The following USP47 variants were observed in gnomAD, a reference collection of about 807,000 sequenced individuals.
The protein encoded by USP47 is ubiquitin carboxyl-terminal hydrolase 47.
A neutral mutation model predicts 165.1 loss-of-function variants in USP47; 35 were observed. The ratio of observed to expected loss-of-function variants is 0.21; its 90% confidence interval spans 0.16 to 0.28. The LOEUF is 0.28. Ranked by LOEUF, USP47 falls within the 10% of genes least tolerant of loss-of-function variation. The pLI is 1.00. For synonymous variants in USP47, 531 were observed against 544.5 expected (o/e 0.98, Z 0.35); for missense variants, 1,277 against 1,607.4 (o/e 0.79, Z 3.52).
intron 4 of USP47, among the ~76,000 whole-genome samples, chr11:11,894,345 A>G (rs769293183): frequency 1.1e-4 from 16 of 151,986 alleles, no homozygotes; most frequent in South Asian, 2.1e-4. Flanking sequence ...AATCCCAGCT[A>G]CTCGGGAGGC....
At chr11:11,884,930 T>C (rs1469665268) in intron 3 of USP47, among the ~76,000 whole-genome samples, 1 of 152,180 alleles carries the variant, frequency 6.6e-6, no homozygotes, top group Admixed American at 6.5e-5. Flanking sequence ...AGCATTTGCT[T>C]GGTTGCTGTA....
At chr11:11,896,053 C>T (rs1251748406) in intron 4 of USP47, among the ~76,000 whole-genome samples, 2 of 152,266 alleles carry the variant, frequency 1.3e-5, no homozygotes, top group East Asian at 3.9e-4. Flanking sequence ...TTAATAGTGT[C>T]ACCAAAATCG....
chr11:11,886,805 G>A (rs72856371), intron 3 of USP47, among the ~76,000 whole-genome samples: 19,403 of 152,018 alleles, frequency 0.13, 1,582 homozygotes, highest in Middle Eastern at 0.38. Context: ...ACTCTCCAAG[G>A]TCAAAATGAA....
At chr11:11,877,050 A>G (rs1383901978) in intron 1 of USP47, among the ~76,000 whole-genome samples, 2 of 152,142 alleles carry the variant, frequency 1.3e-5, no homozygotes, top group Non-Finnish European at 2.9e-5. Context: ...CTAATTTCCC[A>G]TTTCCAGAAA....
At chr11:11,922,025 A>G (rs1853873511) in intron 10 of USP47, among the ~76,000 whole-genome samples, 1 of 151,942 alleles carries the variant, frequency 6.6e-6, no homozygotes, top group Non-Finnish European at 1.5e-5. Flanking sequence ...ATACATTTCA[A>G]AAGCCTGCAT....
At chr11:11,884,888 C>T (rs903885377) in intron 3 of USP47, among the ~76,000 whole-genome samples, 3 of 152,156 alleles carry the variant, frequency 2.0e-5, no homozygotes, top group South Asian at 2.1e-4. Flanking sequence ...CAAAGATCTC[C>T]TGTGTTTCAG....
At position 11,908,204 on chromosome 11, in the gene USP47, A is replaced by G. The variant is rs2134488632; in HGVS notation, c.969+2656A>G. The stretch of plus-strand genomic sequence containing the variant: ...TATTGTATGTTTTGTTTAGTGTGCC[A>G]CAATATTATGGGTTTAATTTCAGAT... On this transcript the variant is annotated intron_variant, in intron 8 of 27. Transcript: ENST00000527733. Among the ~76,000 whole-genome samples, 2 of 152,370 alleles carry G rather than the reference A, an allele frequency of 1.3e-5. 1 individual carries two copies. The highest frequency in any genetic ancestry group is 4.1e-4 in the South Asian group (2 of 4,834).
At chr11:11,933,974 C>A (rs1437539671) in intron 16 of USP47, 39 bp downstream of exon 16, 2 of 1,434,490 alleles carry the variant, frequency 1.4e-6, no homozygotes, top group African/African-American at 2.8e-5. Context: ...CTTACTAATA[C>A]AACAGTATTA....
intron 11 of USP47, among the ~76,000 whole-genome samples, chr11:11,924,999 A>G (rs1854125893): frequency 1.3e-5 from 2 of 151,164 alleles, no homozygotes; most frequent in South Asian, 4.1e-4. Flanking sequence ...ATCACTTTGT[A>G]TAGTGTGGAC....
In USP47 at chr11:11,958,354, AAATT is replaced by A. The variant is rs1293674060; in HGVS notation, c.*2182_*2185del. The A allele has an allele frequency of 6.6e-6, 1 of 152,244 alleles. No individual in the cohort carries two copies. The highest frequency in any genetic ancestry group is 2.4e-5 in the African/African-American group (1 of 41,452). 9.4% of individuals were successfully genotyped at this position (152,244 alleles called of 1,614,324 possible). A position where few individuals can be genotyped will look rare whatever the true frequency, so the allele number is the denominator to read the frequency against. On this transcript the variant is annotated 3_prime_UTR_variant, in exon 28 of 28. Transcript: ENST00000527733. The stretch of plus-strand genomic sequence containing the variant: ...AATATATTTCATTATAGAAAAGAAA[AAATT>A]AAAAGCTTCTTGCTTTTCAGTGCCT...
Position 11,903,302 on chromosome 11 carries a change from T to C in USP47, c.779T>C (p.Met260Thr). 1 of 1,612,814 alleles carries C rather than the reference T, an allele frequency of 6.2e-7. No homozygotes were observed. The highest frequency in any genetic ancestry group is 8.5e-7 in the Non-Finnish European group (1 of 1,179,226). Reference protein sequence around the residue: ...QHDVQELCRVMFDALEQKWKQ... With the variant: ...QHDVQELCRVTFDALEQKWKQ... ...GATGTACAAGAACTATGCAGAGTCA[T>C]GTTTGATGCTTTGGAACAGAAATGG... Residue 260 changes from methionine (M) to threonine (T), a missense_variant, in exon 7 of 28, where the codon ATG becomes ACG. Met to Thr is a moderately conservative substitution (Grantham distance 81). This residue lies in a region of USP47 where 175 missense variants were observed against 295.8 expected (regional missense o/e 0.59). Transcript: ENST00000527733.
At chr11:11,937,381 T>G (rs1017787331) in intron 17 of USP47, among the ~76,000 whole-genome samples, 2 of 151,910 alleles carry the variant, frequency 1.3e-5, no homozygotes, top group African/African-American at 4.8e-5. Context: ...ACAATAATGT[T>G]CTTCTGTGGA....
chr11:11,850,190 C>T (rs1266870565), intron 1 of USP47, among the ~76,000 whole-genome samples: 18 of 146,518 alleles, frequency 1.2e-4, no homozygotes, highest in Admixed American at 1.2e-3. Flanking sequence ...TCTTTGATTT[C>T]CTCTCCTTCA....
chr11:11,927,794 C>A (rs1254588042), intron 11 of USP47, among the ~76,000 whole-genome samples: 1 of 151,950 alleles, frequency 6.6e-6, no homozygotes, highest in East Asian at 1.9e-4. Flanking sequence ...TGTTAGGACA[C>A]GTTTTTATGT....
At chr11:11,935,089 CAT>C (rs368230647) in intron 16 of USP47, among the ~76,000 whole-genome samples, 1 of 152,076 alleles carries the variant, frequency 6.6e-6, no homozygotes, top group African/African-American at 2.4e-5. Flanking sequence ...CATTTTAACA[CAT>C]ATCTCAGGTG....
intron 18 of USP47, among the ~76,000 whole-genome samples, chr11:11,938,976 T>C (rs1263120701): frequency 6.6e-6 from 1 of 151,842 alleles, no homozygotes; most frequent in African/African-American, 2.4e-5. Flanking sequence ...AAAGTAGGGA[T>C]ACATTAATAG....
rs765592971 is a variant in USP47 at position 11,948,542 on chromosome 11, T to C, written c.3332T>C (p.Leu1111Ser). The stretch of plus-strand genomic sequence containing the variant: ...TACAGAGTTAAAGTATACCAGCTTT[T>C]GGTCAATGAACAAGAGGTAAGTAAT... ...GEYRVKVYQL[L>S]VNEQEPCKFL... The change falls in exon 22 of 28, where the codon TTG (leucine) becomes TCG (serine). Residue 1111 changes from leucine to serine, a missense_variant. Around this residue, in one of 4 missense-constraint regions of USP47, gnomAD observed 909 missense variants for 1,068.1 expected, o/e 0.85. Coordinates refer to ENST00000527733, the MANE Select transcript of USP47 (RefSeq NM_001282659.2). The C allele has an allele frequency of 8.2e-5, 132 of 1,612,082 alleles. No individual in the cohort carries two copies. Among genetic ancestry groups the C allele is most frequent in the Non-Finnish European group, 9.8e-5 (115 of 1,178,534 alleles).
intron 1 of USP47, among the ~76,000 whole-genome samples, chr11:11,876,775 A>G (rs1325710615): frequency 6.6e-6 from 1 of 152,234 alleles, no homozygotes; most frequent in African/African-American, 2.4e-5. Flanking sequence ...CTGGGTTATA[A>G]GAGGGAATGT....
intron 2 of USP47, among the ~76,000 whole-genome samples, chr11:11,882,522 A>G (rs762508496): frequency 1.3e-5 from 2 of 152,204 alleles, no homozygotes; most frequent in Admixed American, 6.5e-5. Flanking sequence ...AAGATAAACA[A>G]TATTTAATCT....
Sources: gnomAD v4.1 joint callset for allele counts (sites outside exome capture counted in the v4.1 genomes callset) on GRCh38, gnomAD v4.1.1 for gene constraint, gnomAD v4.1.1 regional missense constraint, MANE v1.5 for transcripts, NCBI Gene and HGNC (gene_info 2026-07-23, HGNC 2026-07-21) for gene names.